Variants in WNT2B observed in about 807,000 individuals in gnomAD.
WNT2B encodes protein Wnt-2b.
In WNT2B, 19 loss-of-function variants were observed where a neutral mutation model predicts 40.5. The observed-to-expected ratio is 0.47, with a 90% CI of 0.33 to 0.69. The LOEUF (loss-of-function observed/expected upper bound fraction) is 0.69, where lower values mean the gene tolerates loss of function less well. WNT2B is among the 30% of genes least tolerant of loss of function. The probability of loss-of-function intolerance (pLI) is 0.02; values close to 1 mark genes in which losing one functional copy is unlikely to be tolerated. For synonymous variants in WNT2B, 220 were observed against 211.9 expected (o/e 1.04, Z -0.33); for missense variants, 467 against 556.4 (o/e 0.84, Z 1.62).
Position 112,525,833 on chromosome 1 carries a change from C to A in WNT2B, c.*5324C>A. 1.3e-6 allele frequency: 1 copy of A among 743,484 alleles called. No homozygotes were observed. The highest frequency in any genetic ancestry group is 2.0e-6 in the Non-Finnish European group (1 of 498,658). 46.1% of individuals were successfully genotyped at this position (743,484 alleles called of 1,614,324 possible). On this transcript the variant is annotated 3_prime_UTR_variant, in exon 5 of 5. Transcript: ENST00000369684. The stretch of plus-strand genomic sequence containing the variant: ...CATCTACAGTTGTCCTTTTTGACAG[C>A]TTCCAAGGGGGGTTTGCCTAGGAAT...
chr1:112,490,910 A>G (rs897682876), intron 1 of WNT2B: 79 of 1,225,988 alleles, frequency 6.4e-5, no homozygotes, highest in African/African-American at 1.2e-4. Flanking sequence ...TGGATTCCCA[A>G]TAGCTCTACC....
chr1:112,508,251 T>A (rs1652188985), upstream of WNT2B, among the ~76,000 whole-genome samples: 1 of 151,728 alleles, frequency 6.6e-6, no homozygotes. This position sits in a 1 kb window ranked among gnomAD's most constrained non-coding sequence, Gnocchi z 4.2. Context: ...TGAGCTCCGC[T>A]GAGCCCAGGA....
chr1:112,497,046 C>T (rs1327127220), intron 1 of WNT2B, among the ~76,000 whole-genome samples: 1 of 152,246 alleles, frequency 6.6e-6, no homozygotes, highest in Non-Finnish European at 1.5e-5. Flanking sequence ...TCCAGACACA[C>T]TTCCCACAAG....
At chr1:112,519,280 C>T (rs755153392) in intron 4 of WNT2B, among the ~76,000 whole-genome samples, 12 of 152,120 alleles carry the variant, frequency 7.9e-5, no homozygotes, top group Admixed American at 1.3e-4. Context: ...TATTATAAAA[C>T]GTAAATATTT....
At chr1:112,480,849 A>G (rs1651203306) in intron 1 of WNT2B, among the ~76,000 whole-genome samples, 1 of 152,066 alleles carries the variant, frequency 6.6e-6, no homozygotes. Flanking sequence ...TACTAGCAAA[A>G]CTAATTCAAC....
chr1:112,483,537 AG>A (rs775946979), intron 1 of WNT2B, among the ~76,000 whole-genome samples: 26 of 151,348 alleles, frequency 1.7e-4, no homozygotes, highest in Non-Finnish European at 2.6e-4. Flanking sequence ...AAGAAAACAT[AG>A]GGGAACATTT....
upstream of WNT2B, among the ~76,000 whole-genome samples, chr1:112,505,998 A>T (rs959803333): frequency 5.9e-5 from 9 of 151,684 alleles, no homozygotes; most frequent in African/African-American, 1.9e-4. Context: ...ATGCTTTAAA[A>T]TTTTTTTTAT....
Position 112,509,430 on chromosome 1 carries a change from A to T in WNT2B, c.168A>T (p.Val56=), listed in dbSNP as rs757847908. 2 of 1,591,328 alleles carry T rather than the reference A, an allele frequency of 1.3e-6. No homozygotes were observed. The highest frequency in any genetic ancestry group is 1.7e-6 in the Non-Finnish European group (2 of 1,175,656). ...TGCTGCTGACGCTGCCGGCCCGCGTAGACACGTCCTGGTGGTAAGTGTGGC... is the reference window on the plus strand; with the variant it reads ...TGCTGCTGACGCTGCCGGCCCGCGTTGACACGTCCTGGTGGTAAGTGTGGC... ...LLLLLTLPAR[V]DTSWWYIGAL... is the part of the protein sequence containing the mutation. Residue 56 remains valine (V), a synonymous_variant, in exon 1 of 5, where the codon GTA becomes GTT. Transcript: ENST00000369684. This position sits in a 1 kb window ranked among gnomAD's most constrained non-coding sequence, Gnocchi z 4.2.
intron 1 of WNT2B, among the ~76,000 whole-genome samples, chr1:112,477,634 C>T (rs894359730): frequency 2.0e-5 from 3 of 151,888 alleles, no homozygotes; most frequent in African/African-American, 7.3e-5. Context: ...TTCAGTGAAA[C>T]CAGAAAAGCA....
At chr1:112,469,737 C>T (rs764674508) in intron 1 of WNT2B, among the ~76,000 whole-genome samples, 1 of 152,168 alleles carries the variant, frequency 6.6e-6, no homozygotes, top group East Asian at 1.9e-4. Flanking sequence ...CCTCAGCTTC[C>T]CGAGTAGCTG....
chr1:112,514,390 G>A (rs1328532449), intron 1 of WNT2B, among the ~76,000 whole-genome samples: 1 of 152,136 alleles, frequency 6.6e-6, no homozygotes, highest in Non-Finnish European at 1.5e-5. Flanking sequence ...CTTCCCACGA[G>A]CCCCTCCCTG....
intron 1 of WNT2B, among the ~76,000 whole-genome samples, chr1:112,496,110 G>A (rs1651760145): frequency 6.6e-6 from 1 of 152,158 alleles, no homozygotes. Context: ...GGGGATGGAT[G>A]GGTGTTTGTT....
In WNT2B at chr1:112,526,493, A is replaced by T. The variant is rs1393384986; in HGVS notation, c.*5984A>T. ...AGTGGCTCATGCCTGTAATCCCAGC[A>T]CTTTGGGAGGCCGAGGTGGGGCAGA... On this transcript the variant is annotated 3_prime_UTR_variant, in exon 5 of 5. Transcript: ENST00000369684. The T allele has an allele frequency of 6.2e-6, 1 of 161,598 alleles. No individual in the cohort carries two copies. Among genetic ancestry groups the T allele is most frequent in the Non-Finnish European group, 1.4e-5 (1 of 73,454 alleles). 10.0% of individuals were successfully genotyped at this position (161,598 alleles called of 1,614,324 possible).
At chr1:112,488,555 T>C (rs1301840318) in intron 1 of WNT2B, among the ~76,000 whole-genome samples, 1 of 138,540 alleles carries the variant, frequency 7.2e-6, no homozygotes, top group African/African-American at 3.1e-5. Context: ...TACTTACTGT[T>C]TTTTTTTTTT....
At chr1:112,517,042 T>A in intron 3 of WNT2B, 79 bp from the exon 4 acceptor site, 2 of 1,544,918 alleles carry the variant, frequency 1.3e-6, no homozygotes, top group East Asian at 2.3e-5. Flanking sequence ...CTCAGAGCAC[T>A]CATCCTTTTG....
intron 1 of WNT2B, among the ~76,000 whole-genome samples, chr1:112,490,783 C>G (rs1651577870): frequency 6.6e-6 from 1 of 152,098 alleles, no homozygotes; most frequent in Admixed American, 6.6e-5. Flanking sequence ...GCCCCCGCGC[C>G]CGGCCAAAGA....
chr1:112,474,248 C>T (rs1038848337), intron 1 of WNT2B, among the ~76,000 whole-genome samples: 6 of 151,774 alleles, frequency 4.0e-5, no homozygotes, highest in South Asian at 2.1e-4. Flanking sequence ...CGGGTTCAAG[C>T]GATTCTCCTG....
chr1:112,470,834 C>T (rs994493363), intron 1 of WNT2B, among the ~76,000 whole-genome samples: 8 of 151,922 alleles, frequency 5.3e-5, no homozygotes, highest in African/African-American at 1.7e-4. Flanking sequence ...TTCCACTTTC[C>T]GATTATGAGC....
chr1:112,500,720 C>T (rs1424594947), intron 1 of WNT2B, among the ~76,000 whole-genome samples: 9 of 152,094 alleles, frequency 5.9e-5, no homozygotes, highest in Admixed American at 2.6e-4. Flanking sequence ...AAGCCATGAT[C>T]GTGCCACTAC....
Sources: gnomAD v4.1 joint callset for allele counts (sites outside exome capture counted in the v4.1 genomes callset) on GRCh38, gnomAD v4.1.1 for gene constraint, Gnocchi (gnomAD v3.1) non-coding constraint, MANE v1.5 for transcripts, NCBI Gene and HGNC (gene_info 2026-07-23, HGNC 2026-07-21) for gene names.